RTN4R: variants seen among roughly 807,000 people sequenced by gnomAD.
RTN4R encodes the protein reticulon-4 receptor.
RTN4R carries 4 observed loss-of-function variants against 27.7 expected under a neutral mutation model. That is an observed-to-expected ratio of 0.14 (90% CI 0.07 to 0.33). The LOEUF is 0.33. Ranked by LOEUF, RTN4R falls within the 10% of genes least tolerant of loss-of-function variation. RTN4R has a pLI of 1.00. For missense variants in RTN4R, 554 were observed against 671.5 expected, an observed-to-expected ratio of 0.83 and a Z score of 1.93; for synonymous variants, 290 against 305.6, an observed-to-expected ratio of 0.95 and a Z score of 0.53.
intron 1 of RTN4R, chr22:20,243,537 T>G: frequency 2.1e-6 from 1 of 472,172 alleles, no homozygotes; most frequent in East Asian, 6.7e-5. Flanking sequence ...TAGGAAACAC[T>G]GCAATGGGGC....
At position 20,242,416 on chromosome 22, in the gene RTN4R, T is replaced by C. The variant is rs752867645; in HGVS notation, c.717A>G (p.Ser239=). ...MTLYLFANNL[S]ALPTEALAPL... The stretch of plus-strand genomic sequence containing the variant: ...GGGCCAGGGCCTCAGTGGGCAGCGC[T>C]GATAGATTGTTGGCAAACAGATAGA... Residue 239 remains serine, a synonymous_variant, in exon 2 of 2, where the codon TCA becomes TCG. Transcript: ENST00000043402. The C allele has an allele frequency of 6.2e-7, 1 of 1,613,080 alleles. No individual in the cohort carries two copies. Among genetic ancestry groups the C allele is most frequent in the Non-Finnish European group, 8.5e-7 (1 of 1,179,916 alleles).
At chr22:20,259,748 C>G (rs921968646) in intron 1 of RTN4R, among the ~76,000 whole-genome samples, 2 of 152,134 alleles carry the variant, frequency 1.3e-5, no homozygotes, top group Admixed American at 6.5e-5. Context: ...CTTTCATGAG[C>G]GGTCAATGTG....
chr22:20,253,055 G>A (rs1356081554), intron 1 of RTN4R, among the ~76,000 whole-genome samples: 2 of 152,158 alleles, frequency 1.3e-5, no homozygotes, highest in Non-Finnish European at 2.9e-5. Flanking sequence ...AGAGCCACAC[G>A]GACCCCTCTG....
chr22:20,259,281 T>A (rs1171505247), intron 1 of RTN4R, among the ~76,000 whole-genome samples: 1 of 152,168 alleles, frequency 6.6e-6, no homozygotes, highest in Non-Finnish European at 1.5e-5. Flanking sequence ...CGCGGTGACA[T>A]CCGGGAGGTA....
intron 1 of RTN4R, among the ~76,000 whole-genome samples, chr22:20,259,537 C>T (rs752492151): frequency 8.5e-5 from 13 of 152,130 alleles, no homozygotes; most frequent in Non-Finnish European, 1.3e-4. Flanking sequence ...AGTCCACCTC[C>T]GCAGCCTCTG....
At chr22:20,243,602 CG>C in intron 1 of RTN4R, 3 of 431,446 alleles carry the variant, frequency 7.0e-6, no homozygotes, top group East Asian at 7.1e-5. Context: ...TGCCCGAGGG[CG>C]GGGGTGGAGG....
At chr22:20,266,280 G>C (rs2145987707) in intron 1 of RTN4R, among the ~76,000 whole-genome samples, 1 of 152,352 alleles carries the variant, frequency 6.6e-6, no homozygotes, top group South Asian at 2.1e-4. Flanking sequence ...AGCCTCTGGT[G>C]GTGGCCAGGG....
At chr22:20,254,623 A>G (rs2051201849) in intron 1 of RTN4R, among the ~76,000 whole-genome samples, 1 of 151,948 alleles carries the variant, frequency 6.6e-6, no homozygotes, top group African/African-American at 2.4e-5. Context: ...ATTCTTCACC[A>G]TATCTTCTTT....
chr22:20,243,794 GC>G (rs1424462039), intron 1 of RTN4R: 1 of 300,356 alleles, frequency 3.3e-6, no homozygotes, highest in East Asian at 1.2e-4. Flanking sequence ...CTCCTCCCCA[GC>G]CAACCCCTGC....
chr22:20,241,439 C>T lies in RTN4R; in HGVS notation c.*272G>A, dbSNP rs5993939. On this transcript the variant is annotated 3_prime_UTR_variant, in exon 2 of 2. Coordinates refer to ENST00000043402, the MANE Select transcript of RTN4R (RefSeq NM_023004.6). ...CTTAAGAAAAGAGCTCTTTATTCCA[C>T]GTCGTCCGATATTTTTACACAAGTA... 1.1e-5 allele frequency: 6 copies of T among 529,582 alleles called. No individual in the cohort carries two copies. Among genetic ancestry groups the T allele is most frequent in the African/African-American group, 1.9e-5 (1 of 52,188 alleles). 32.8% of individuals were successfully genotyped at this position (529,582 alleles called of 1,614,324 possible). A position where few individuals can be genotyped will look rare whatever the true frequency, so the allele number is the denominator to read the frequency against.
intron 1 of RTN4R, among the ~76,000 whole-genome samples, chr22:20,259,284 G>A (rs759795858): frequency 9.6e-4 from 147 of 152,336 alleles, no homozygotes; most frequent in Non-Finnish European, 1.5e-3. Flanking sequence ...GGTGACATCC[G>A]GGAGGTATGT....
intron 1 of RTN4R, among the ~76,000 whole-genome samples, chr22:20,261,436 C>G (rs2051246019): frequency 6.6e-6 from 1 of 152,234 alleles, no homozygotes; most frequent in Admixed American, 6.5e-5. Flanking sequence ...CCAGCTTGCC[C>G]AAATCAAGCT....
Position 20,242,320 on chromosome 22 carries a change from G to C in RTN4R, c.813C>G (p.Leu271=). ...PWVCDCRARP[L]WAWLQKFRGS... ...CGCGGAACTTCTGCAGCCAGGCCCA[G>C]AGTGGGCGTGCCCGGCAGTCACACA... The change falls in exon 2 of 2, where the codon CTC becomes CTG. Residue 271 remains leucine (L), a synonymous_variant. Coordinates refer to ENST00000043402, the MANE Select transcript of RTN4R (RefSeq NM_023004.6). 1 of 1,609,922 alleles carries C rather than the reference G, an allele frequency of 6.2e-7. No individual in the cohort carries two copies. Among genetic ancestry groups the C allele is most frequent in the South Asian group, 1.1e-5 (1 of 90,796 alleles).
intron 1 of RTN4R, among the ~76,000 whole-genome samples, chr22:20,262,521 A>C (rs142689515): frequency 0.012 from 1,777 of 152,254 alleles, 34 homozygotes; most frequent in African/African-American, 0.04. Context: ...CACGCACTGC[A>C]TTTTGGTCTT....
Position 20,243,104 on chromosome 22 carries a change from C to A in RTN4R, c.29G>T (p.Arg10Leu), listed in dbSNP as rs1040160198. The change falls in exon 2 of 2, where the codon CGG (arginine) becomes CTG (leucine). Residue 10 changes from arginine to leucine, a missense_variant. Physicochemically the swap from Arg to Leu is moderately radical, Grantham distance 102. Transcript: ENST00000043402. ...CAGCCACAGCACCCATGCCAGCAGC[C>A]GGCTCCCTGTGGGCAGAAGACAGAG... MKRASAGGS[R>L]LLAWVLWLQA... 6.3e-7 allele frequency: 1 copy of A among 1,599,310 alleles called. No individual in the cohort carries two copies. Among genetic ancestry groups the A allele is most frequent in the Non-Finnish European group, 8.5e-7 (1 of 1,179,780 alleles).
intron 1 of RTN4R, among the ~76,000 whole-genome samples, chr22:20,254,067 C>T (rs2051199227): frequency 6.6e-6 from 1 of 152,098 alleles, no homozygotes; most frequent in Admixed American, 6.5e-5. Context: ...TGGGCATTCA[C>T]AGTGCACTTT....
Position 20,251,910 on chromosome 22 carries a change from T to TCATCATCACCATC in RTN4R, c.23-8801_23-8800insGATGGTGATGATG. 2.7e-3 allele frequency among the ~76,000 whole-genome samples: 2 copies of TCATCATCACCATC among 754 alleles called. 1 individual carries two copies. The highest frequency in any genetic ancestry group is 4.7e-3 in the Non-Finnish European group (2 of 426). The allele number at this position is 754 out of a possible 152,430, so 0.5% of individuals were successfully genotyped here. A position where few individuals can be genotyped will look rare whatever the true frequency, so the allele number is the denominator to read the frequency against. ...CTATCACCACCATCATCATCACCAC[T>TCATCATCACCATC]ATCCTTATCACCATCATCATCCCCA... On this transcript the variant is annotated intron_variant, in intron 1 of 1. Coordinates refer to ENST00000043402, the MANE Select transcript of RTN4R (RefSeq NM_023004.6).
chr22:20,247,430 C>G (rs542532122), intron 1 of RTN4R, among the ~76,000 whole-genome samples: 1 of 151,926 alleles, frequency 6.6e-6, no homozygotes, highest in Non-Finnish European at 1.5e-5. Flanking sequence ...ACCCCTCCCA[C>G]GCCTGCTCCC....
At position 20,242,110 on chromosome 22, in the gene RTN4R, A is replaced by C. The variant is rs760379257; in HGVS notation, c.1023T>G (p.Ala341=). ...CAGGCTCCAGTACTGAGGCCTTGTCAGCGGCATCTGGCTGGCAGCACTTGG... is the reference window on the plus strand; with the variant it reads ...CAGGCTCCAGTACTGAGGCCTTGTCCGCGGCATCTGGCTGGCAGCACTTGG... ...GLPKCCQPDA[A]DKASVLEPGR... Residue 341 remains alanine (A), a synonymous_variant, in exon 2 of 2, where the codon GCT becomes GCG. Coordinates refer to ENST00000043402, the MANE Select transcript of RTN4R (RefSeq NM_023004.6). 5 of 1,612,002 alleles carry C rather than the reference A, an allele frequency of 3.1e-6. No individual in the cohort carries two copies. The highest frequency in any genetic ancestry group is 4.2e-6 in the Non-Finnish European group (5 of 1,179,316).
Sources: allele counts gnomAD v4.1 joint callset (sites outside exome capture counted in the v4.1 genomes callset), GRCh38; gene constraint gnomAD v4.1.1; transcripts MANE v1.5; gene names NCBI Gene and HGNC (gene_info 2026-07-23, HGNC 2026-07-21).